The following FNDC1 variants were observed in gnomAD, a reference collection of about 807,000 sequenced individuals.
FNDC1 encodes the protein fibronectin type III domain-containing protein 1.
A neutral mutation model predicts 168.0 loss-of-function variants in FNDC1; 96 were observed. The observed-to-expected ratio is 0.57, with a 90% confidence interval of 0.48 to 0.68. The LOEUF (loss-of-function observed/expected upper bound fraction) is 0.68, where lower values mean the gene tolerates loss of function less well. FNDC1 is among the 30% of genes least tolerant of loss of function. The pLI, the probability that FNDC1 is intolerant of heterozygous loss-of-function variation, is 0.00. For synonymous variants in FNDC1, 1,099 were observed against 1,025.9 expected (o/e 1.07, Z -1.36); for missense variants, 2,587 against 2,482.1 (o/e 1.04, Z -0.90).
At chr6:159,197,293 A>G (rs1413694299) in intron 1 of FNDC1, 138 bp from the exon 2 acceptor site, 6 of 791,244 alleles carry the variant, frequency 7.6e-6, no homozygotes, top group Non-Finnish European at 1.2e-5. Flanking sequence ...GTGCAAATAC[A>G]TGACTATCCT....
intron 4 of FNDC1, among the ~76,000 whole-genome samples, chr6:159,203,648 G>T (rs402045): frequency 6.6e-6 from 1 of 152,014 alleles, no homozygotes. Context: ...GTATCCTCTT[G>T]TTCTGTCCCC....
intron 9 of FNDC1, among the ~76,000 whole-genome samples, chr6:159,227,211 A>G (rs982148382): frequency 6.6e-6 from 1 of 152,248 alleles, no homozygotes; most frequent in Non-Finnish European, 1.5e-5. Context: ...TTTTTAATGT[A>G]AAAGCGTTTA....
chr6:159,269,401 CTATG>C (rs143420843), intron 22 of FNDC1, among the ~76,000 whole-genome samples: 18,949 of 34,780 alleles, frequency 0.54, 6,338 homozygotes, highest in African/African-American at 0.66. Context: ...ATCCATCTGT[CTATG>C]TATGTATGTA....
intron 2 of FNDC1, among the ~76,000 whole-genome samples, chr6:159,198,758 A>T (rs1193444397): frequency 1.3e-5 from 2 of 152,260 alleles, no homozygotes; most frequent in Non-Finnish European, 2.9e-5. Context: ...AGTTAACTGT[A>T]TGGGTATCAA....
rs1311107596 is a variant in FNDC1 at position 159,233,698 on chromosome 6, G to C, written c.3186G>C (p.Gly1062=). 3.9e-6 allele frequency: 6 copies of C among 1,549,610 alleles called. No individual in the cohort carries two copies. Among genetic ancestry groups the C allele is most frequent in the Non-Finnish European group, 5.2e-6 (6 of 1,146,918 alleles). The part of the protein sequence containing the change: ...SSDPYTASSR[G]MLPTALQNQD... The stretch of plus-strand genomic sequence containing the variant: ...ACCCTTACACGGCGAGCTCCAGAGG[G>C]ATGCTCCCCACGGCCCTCCAGAACC... Residue 1062 remains glycine (G), a synonymous_variant, in exon 11 of 23, where the codon GGG becomes GGC. Transcript: ENST00000297267. This position sits in a 1 kb window ranked among gnomAD's most constrained non-coding sequence, Gnocchi z 4.6.
At chr6:159,186,896 T>A (rs148524732) in intron 1 of FNDC1, among the ~76,000 whole-genome samples, 4 of 152,262 alleles carry the variant, frequency 2.6e-5, no homozygotes, top group Non-Finnish European at 4.4e-5. Context: ...ATTCAGTGAC[T>A]ATCCAGTGTA....
chr6:159,237,234 G>T (rs1238237118), intron 12 of FNDC1, among the ~76,000 whole-genome samples: 3 of 152,198 alleles, frequency 2.0e-5, no homozygotes, highest in Non-Finnish European at 4.4e-5. Flanking sequence ...TTATTTTAAT[G>T]CCAAAACAAT....
chr6:159,214,912 G>C, intron 4 of FNDC1, 33 bp from the exon 5 acceptor site: 1 of 1,604,482 alleles, frequency 6.2e-7, no homozygotes, highest in Non-Finnish European at 8.5e-7. Flanking sequence ...GTGGTCTACT[G>C]TCTAACCACT....
intron 14 of FNDC1, among the ~76,000 whole-genome samples, chr6:159,240,161 A>G (rs1158664666): frequency 8.5e-6 from 1 of 117,908 alleles, no homozygotes; most frequent in Non-Finnish European, 1.8e-5. Flanking sequence ...AAAATATTAC[A>G]TGGGACATAT....
intron 1 of FNDC1, among the ~76,000 whole-genome samples, chr6:159,196,577 G>A (rs1206038233): frequency 2.6e-5 from 4 of 152,052 alleles, no homozygotes; most frequent in Admixed American, 1.3e-4. Flanking sequence ...TTTGTTTTTA[G>A]GTTACTTTTT....
intron 1 of FNDC1, among the ~76,000 whole-genome samples, chr6:159,193,009 G>A (rs1478599441): frequency 6.6e-6 from 1 of 152,174 alleles, no homozygotes; most frequent in Non-Finnish European, 1.5e-5. Flanking sequence ...TCTCTGAATT[G>A]AAATTGGACA....
intron 19 of FNDC1, 67 bp downstream of exon 19, chr6:159,261,336 A>T: frequency 9.3e-7 from 1 of 1,079,052 alleles, no homozygotes; most frequent in East Asian, 2.4e-5. Context: ...ATCTAGCATG[A>T]TGGCTACAAT....
At chr6:159,269,258 A>T (rs1445602698) in intron 22 of FNDC1, among the ~76,000 whole-genome samples, 1 of 6,898 alleles carries the variant, frequency 1.4e-4, no homozygotes, top group Non-Finnish European at 2.5e-4. Flanking sequence ...TCCATCTATC[A>T]TCTATCTATC....
At chr6:159,188,154 A>C (rs148843654) in intron 1 of FNDC1, among the ~76,000 whole-genome samples, 2,543 of 152,322 alleles carry the variant, frequency 0.017, 246 homozygotes, top group Admixed American at 0.15. Flanking sequence ...TGCATTAAAG[A>C]GCAATCTTTG....
rs539962920 is a variant in FNDC1 at position 159,199,455 on chromosome 6, C to T, written c.305-541C>T. Among the ~76,000 whole-genome samples, 9 of 152,134 alleles carry T rather than the reference C, an allele frequency of 5.9e-5. No individual in the cohort carries two copies. The South Asian group carries it at 1.9e-3, about 31-fold the overall frequency. On this transcript the variant is annotated intron_variant, in intron 2 of 22. Transcript: ENST00000297267. The stretch of plus-strand genomic sequence containing the variant: ...GGAATGGTCAAAAACAACATGCAGA[C>T]ATAGTAAGGGGAATATTTTATTATG...
intron 4 of FNDC1, among the ~76,000 whole-genome samples, chr6:159,201,594 G>C (rs75784252): frequency 5.5e-4 from 84 of 152,326 alleles, no homozygotes; most frequent in African/African-American, 2.0e-3. Flanking sequence ...AGTTGAAGTA[G>C]AGAGCTCATG....
chr6:159,269,503 C>T lies in FNDC1; in HGVS notation c.5569+1577C>T, dbSNP rs376030689. 8.0e-3 allele frequency among the ~76,000 whole-genome samples: 862 copies of T among 107,800 alleles called. 10 individuals are homozygous for T. Among genetic ancestry groups the T allele is most frequent in the Middle Eastern group, 0.023 (5 of 214 alleles). The allele number at this position is 107,800 out of a possible 152,430, so 70.7% of individuals were successfully genotyped here. A position where few individuals can be genotyped will look rare whatever the true frequency, so the allele number is the denominator to read the frequency against. ...CTATCTATCTATCTATCTATCTATC[C>T]ATCCATCCATGCATCCATCCATCCA... On this transcript the variant is annotated intron_variant, in intron 22 of 22. Transcript: ENST00000297267.
chr6:159,171,668 G>T (rs927634498), intron 1 of FNDC1, among the ~76,000 whole-genome samples: 1 of 152,188 alleles, frequency 6.6e-6, no homozygotes, highest in Non-Finnish European at 1.5e-5. Context: ...TAAGCAAGCA[G>T]TGTCCCCTCC....
intron 9 of FNDC1, among the ~76,000 whole-genome samples, chr6:159,229,168 T>C (rs1248052384): frequency 6.6e-6 from 1 of 152,252 alleles, no homozygotes; most frequent in Non-Finnish European, 1.5e-5. Flanking sequence ...TTCAGGGCTA[T>C]TATGTGACTA....
Sources: gnomAD v4.1 joint callset for allele counts (sites outside exome capture counted in the v4.1 genomes callset) on GRCh38, gnomAD v4.1.1 for gene constraint, Gnocchi (gnomAD v3.1) non-coding constraint, MANE v1.5 for transcripts, NCBI Gene and HGNC (gene_info 2026-07-23, HGNC 2026-07-21) for gene names.